Variants in TXLNB observed in about 807,000 individuals in gnomAD.
TXLNB encodes taxilin beta.
In TXLNB, 37 loss-of-function variants were observed where a neutral mutation model predicts 57.4. The ratio of observed to expected loss-of-function variants is 0.64; its 90% CI spans 0.50 to 0.85. The LOEUF (loss-of-function observed/expected upper bound fraction) is 0.85. Among genes scored for constraint, TXLNB ranks in the 40% least tolerant of loss-of-function variants. The pLI, the probability that TXLNB is intolerant of heterozygous loss-of-function variation, is 0.00. For missense variants in TXLNB, 848 were observed against 825.6 expected (o/e 1.03, Z -0.33); for synonymous variants, 302 against 309.6 (o/e 0.98, Z 0.26).
At position 139,255,650 on chromosome 6, in the gene TXLNB, G is replaced by C. The variant is rs372348432; in HGVS notation, c.1003-12C>G. The stretch of plus-strand genomic sequence containing the variant: ...GCCTGGTTCAGCAACTATGAGAAGA[G>C]AGAGTGTGTGGAAAGATGGTCAGAT... On this transcript the variant is annotated splice_polypyrimidine_tract_variant and intron_variant, in intron 6 of 9. Coordinates refer to ENST00000358430, the MANE Select transcript of TXLNB (RefSeq NM_153235.4). The C allele has an allele frequency of 2.5e-6, 4 of 1,610,338 alleles. No homozygotes were observed. The highest frequency in any genetic ancestry group is 2.2e-5 in the East Asian group (1 of 44,842).
chr6:139,305,648 G>T, the TXLNB span, among the ~76,000 whole-genome samples: 8 of 152,156 alleles, frequency 5.3e-5, no homozygotes, highest in African/African-American at 1.7e-4. Context: ...GATCATCCTG[G>T]ACAGTAGCTG....
At chr6:139,197,481 G>T in the TXLNB span, among the ~76,000 whole-genome samples, 3 of 152,134 alleles carry the variant, frequency 2.0e-5, no homozygotes, top group African/African-American at 7.2e-5. Context: ...TCACTAGTTG[G>T]AGGTATGATA....
the TXLNB span, chr6:139,170,495 A>G: frequency 3.3e-5 from 5 of 152,204 alleles, no homozygotes; most frequent in South Asian, 6.2e-4. Flanking sequence ...GCTGATGTCA[A>G]AAGGTGGACT....
chr6:139,190,526 G>A, the TXLNB span, among the ~76,000 whole-genome samples: 1 of 152,002 alleles, frequency 6.6e-6, no homozygotes, highest in Non-Finnish European at 1.5e-5. Context: ...GGCTAGGCTG[G>A]TCTGGAACTC....
the TXLNB span, among the ~76,000 whole-genome samples, chr6:139,300,846 G>C: frequency 6.6e-6 from 1 of 152,140 alleles, no homozygotes; most frequent in Non-Finnish European, 1.5e-5. Context: ...AGTGAGCCGA[G>C]ATTGCACCAC....
At chr6:139,205,628 CAAAGAAAAAAGA>C in the TXLNB span, among the ~76,000 whole-genome samples, 1 of 143,158 alleles carries the variant, frequency 7.0e-6, no homozygotes, top group South Asian at 2.2e-4. Context: ...CAGACAAAGA[CAAAGAAAAAAGA>C]AAAGAAAAAA....
chr6:139,279,407 T>C (rs986727853), intron 2 of TXLNB, among the ~76,000 whole-genome samples: 1 of 152,206 alleles, frequency 6.6e-6, no homozygotes, highest in African/African-American at 2.4e-5. Context: ...CAAAAATTAT[T>C]CTTCCCTTCA....
intron 2 of TXLNB, among the ~76,000 whole-genome samples, chr6:139,280,342 A>C (rs1324505694): frequency 2.0e-5 from 3 of 152,096 alleles, no homozygotes; most frequent in Non-Finnish European, 4.4e-5. Flanking sequence ...AATGTGGACC[A>C]GGATTTTTCT....
chr6:139,277,111 T>G, intron 2 of TXLNB, 190 bp from the exon 3 acceptor site: 1 of 539,020 alleles, frequency 1.9e-6, no homozygotes, highest in East Asian at 3.2e-5. Flanking sequence ...TTGGGAAGTT[T>G]GTGAATGTGT....
intron 2 of TXLNB, among the ~76,000 whole-genome samples, chr6:139,281,715 A>AT (rs1259940695): frequency 1.8e-5 from 2 of 108,994 alleles, no homozygotes; most frequent in Non-Finnish European, 3.4e-5. Flanking sequence ...CGCCCGGCTA[A>AT]TTTTTTGTAT....
At chr6:139,216,871 G>T in the TXLNB span, among the ~76,000 whole-genome samples, 2 of 152,176 alleles carry the variant, frequency 1.3e-5, no homozygotes, top group African/African-American at 2.4e-5. Flanking sequence ...GCAGGGAAGA[G>T]TTGGAGGGGG....
chr6:139,302,021 A>T, the TXLNB span, among the ~76,000 whole-genome samples: 5 of 152,088 alleles, frequency 3.3e-5, no homozygotes, highest in East Asian at 3.9e-4. Flanking sequence ...AGCAAACAAA[A>T]ATATATATAT....
At chr6:139,254,339 G>T (rs1364596822) in intron 7 of TXLNB, among the ~76,000 whole-genome samples, 4 of 151,832 alleles carry the variant, frequency 2.6e-5, no homozygotes, top group Non-Finnish European at 4.4e-5. Flanking sequence ...GTGTGTGTGT[G>T]TTTACAGTGA....
the TXLNB span, among the ~76,000 whole-genome samples, chr6:139,320,315 T>C: frequency 6.6e-6 from 1 of 152,212 alleles, no homozygotes; most frequent in Non-Finnish European, 1.5e-5. Context: ...CACTAATCTA[T>C]TCTTCCTTTA....
intron 6 of TXLNB, among the ~76,000 whole-genome samples, chr6:139,256,795 TG>T (rs1776356117): frequency 1.3e-5 from 2 of 152,234 alleles, no homozygotes; most frequent in Admixed American, 1.3e-4. Context: ...ATATTAAAAA[TG>T]CAGATGCCTC....
chr6:139,281,540 T>C lies in TXLNB; in HGVS notation c.425-4619A>G, dbSNP rs1193436926. ...CAGTAGGAGAGTGGATCTGGAGTTC[T>C]TTTTTTTTTTTTTTTTTTTTTTTTT... is the stretch of plus-strand genomic sequence containing the variant. On this transcript the variant is annotated intron_variant, in intron 2 of 9. Transcript: ENST00000358430. 3.7e-4 allele frequency among the ~76,000 whole-genome samples: 25 copies of C among 67,704 alleles called. No individual in the cohort carries two copies. The East Asian group carries it at 3.8e-3, about 10-fold the overall frequency. 44.4% of individuals were successfully genotyped at this position (67,704 alleles called of 152,430 possible).
At chr6:139,318,557 T>A in the TXLNB span, among the ~76,000 whole-genome samples, 1 of 152,012 alleles carries the variant, frequency 6.6e-6, no homozygotes, top group Non-Finnish European at 1.5e-5. Flanking sequence ...GGTGTGTACC[T>A]TGGTAAAACT....
the TXLNB span, among the ~76,000 whole-genome samples, chr6:139,313,141 C>T: frequency 8.1e-4 from 123 of 151,568 alleles, no homozygotes; most frequent in African/African-American, 2.7e-3. Context: ...GGCGCGATCT[C>T]GGCTCGCTGC....
chr6:139,316,660 C>A, the TXLNB span, among the ~76,000 whole-genome samples: 1 of 152,094 alleles, frequency 6.6e-6, no homozygotes, highest in Non-Finnish European at 1.5e-5. Context: ...TTCTTTAACA[C>A]AAGAATAACA....
Sources: gnomAD v4.1 joint callset for allele counts (sites outside exome capture counted in the v4.1 genomes callset) on GRCh38, gnomAD v4.1.1 for gene constraint, MANE v1.5 for transcripts, NCBI Gene and HGNC (gene_info 2026-07-23, HGNC 2026-07-21) for gene names.